THSD7A: variants seen among roughly 807,000 people sequenced by gnomAD.
THSD7A encodes the protein thrombospondin type 1 domain containing 7A.
Under a neutral mutation model 231.3 loss-of-function variants are expected in THSD7A, and 96 were observed. The observed-to-expected ratio is 0.41, with a 90% CI of 0.35 to 0.49. The LOEUF is 0.49. Among genes scored for constraint, THSD7A ranks in the 20% least tolerant of loss-of-function variants. The pLI, the probability that THSD7A is intolerant of heterozygous loss-of-function variation, is 0.05. For missense variants in THSD7A, 2,290 were observed against 2,070.2 expected, an observed-to-expected ratio of 1.11 and a Z score of -2.06; for synonymous variants, 940 against 743.3, an observed-to-expected ratio of 1.26 and a Z score of -4.30.
At chr7:11,392,257 G>C (rs1400842330) in intron 23 of THSD7A, among the ~76,000 whole-genome samples, 2 of 151,536 alleles carry the variant, frequency 1.3e-5, no homozygotes, top group Non-Finnish European at 2.9e-5. Flanking sequence ...AGCTGAAGCA[G>C]GGTGGGGTGT....
chr7:11,797,839 T>C (rs769202666), intron 1 of THSD7A, among the ~76,000 whole-genome samples: 1 of 152,200 alleles, frequency 6.6e-6, no homozygotes, highest in Non-Finnish European at 1.5e-5. Flanking sequence ...ATTAATGGCC[T>C]TGGAAAATAA....
chr7:11,702,695 T>A (rs1214856173), intron 1 of THSD7A, among the ~76,000 whole-genome samples: 1 of 151,216 alleles, frequency 6.6e-6, no homozygotes, highest in African/African-American at 2.4e-5. Flanking sequence ...ATTTTAGAAT[T>A]CTACCTGAGC....
chr7:11,546,238 C>G (rs1215387049), intron 4 of THSD7A, among the ~76,000 whole-genome samples: 1 of 109,488 alleles, frequency 9.1e-6, no homozygotes, highest in African/African-American at 4.5e-5. Flanking sequence ...ACACGTGGAC[C>G]CTGCCACACT....
At chr7:11,499,196 C>G (rs960679257) in intron 6 of THSD7A, among the ~76,000 whole-genome samples, 3 of 152,198 alleles carry the variant, frequency 2.0e-5, no homozygotes, top group African/African-American at 7.2e-5. Flanking sequence ...GATCCACACA[C>G]CCTTCATGGC....
At chr7:11,780,884 G>C (rs1282599670) in intron 1 of THSD7A, among the ~76,000 whole-genome samples, 2 of 150,186 alleles carry the variant, frequency 1.3e-5, no homozygotes, top group African/African-American at 2.4e-5. Flanking sequence ...CCAGCTACTC[G>C]GGAGGCTGAG....
In THSD7A at chr7:11,411,057, G is replaced by C; in HGVS notation, c.3798+150C>G. On this transcript the variant is annotated intron_variant, in intron 19 of 27. Coordinates refer to ENST00000423059, the MANE Select transcript of THSD7A (RefSeq NM_015204.3). This position sits in a 1 kb window ranked among gnomAD's most constrained non-coding sequence, Gnocchi z 4.1. ...AGGAATCAGTAGTGTTGGACATTGT[G>C]TCTTTTCAAGAACATACTTAGCCTG... 2 of 586,088 alleles carry C rather than the reference G, an allele frequency of 3.4e-6. No homozygotes were observed. The highest frequency in any genetic ancestry group is 5.7e-5 in the East Asian group (2 of 34,894). 36.3% of individuals were successfully genotyped at this position (586,088 alleles called of 1,614,324 possible). A position where few individuals can be genotyped will look rare whatever the true frequency, so the allele number is the denominator to read the frequency against.
intron 16 of THSD7A, among the ~76,000 whole-genome samples, chr7:11,423,282 G>GT (rs1381470741): frequency 1.3e-5 from 2 of 151,856 alleles, no homozygotes; most frequent in Non-Finnish European, 2.9e-5. Context: ...TCCTACTGAA[G>GT]TAGATTAAAA....
chr7:11,796,437 T>C (rs1784128427), intron 1 of THSD7A, among the ~76,000 whole-genome samples: 1 of 151,952 alleles, frequency 6.6e-6, no homozygotes, highest in Non-Finnish European at 1.5e-5. Flanking sequence ...TCCATTGCTA[T>C]TGTAATTGCA....
At chr7:11,747,594 T>C (rs1782352472) in intron 1 of THSD7A, among the ~76,000 whole-genome samples, 1 of 151,958 alleles carries the variant, frequency 6.6e-6, no homozygotes, top group African/African-American at 2.4e-5. Flanking sequence ...GTTGGATGCT[T>C]ATAAATGGAT....
Position 11,446,184 on chromosome 7 carries a change from C to G in THSD7A, c.2941G>C (p.Val981Leu). The change falls in exon 13 of 28, where the codon GTG (valine) becomes CTG (leucine). Residue 981 changes from valine (V) to leucine (L), a missense_variant. Coordinates refer to ENST00000423059, the MANE Select transcript of THSD7A (RefSeq NM_015204.3). This position sits in a 1 kb window ranked among gnomAD's most constrained non-coding sequence, Gnocchi z 4.0. ...CCTTGTACTTTCATTCCCAGCAACA[C>G]TTCCACTTTTCCCTCTGGTAAAATA... The part of the protein sequence containing the change: ...DCILPEGKVE[V>L]LLGMKVQGDI... 1.2e-6 allele frequency: 2 copies of G among 1,613,586 alleles called. No individual in the cohort carries two copies. The highest frequency in any genetic ancestry group is 1.7e-6 in the Non-Finnish European group (2 of 1,179,658).
chr7:11,448,420 G>C (rs1417005461), intron 11 of THSD7A, among the ~76,000 whole-genome samples: 1 of 152,070 alleles, frequency 6.6e-6, no homozygotes, highest in Non-Finnish European at 1.5e-5. Flanking sequence ...TGGTCCTAAA[G>C]TTGGCTTCAC....
At chr7:11,509,797 G>T (rs1471100821) in intron 6 of THSD7A, among the ~76,000 whole-genome samples, 5 of 55,446 alleles carry the variant, frequency 9.0e-5, no homozygotes, top group Admixed American at 8.8e-4. Flanking sequence ...ACTCCAGCCT[G>T]GGCGACAGAG....
At chr7:11,826,085 A>G (rs903059635) in intron 1 of THSD7A, among the ~76,000 whole-genome samples, 5 of 152,216 alleles carry the variant, frequency 3.3e-5, no homozygotes, top group African/African-American at 1.2e-4. Flanking sequence ...GTAAAAAAAG[A>G]TAACATTGTT....
At chr7:11,399,718 G>A (rs567873273) in intron 23 of THSD7A, among the ~76,000 whole-genome samples, 3 of 152,194 alleles carry the variant, frequency 2.0e-5, no homozygotes, top group African/African-American at 7.2e-5. Flanking sequence ...TGGTGGGACT[G>A]TAAACTAGTT....
intron 4 of THSD7A, among the ~76,000 whole-genome samples, chr7:11,570,948 AT>A (rs1435992369): frequency 6.6e-6 from 1 of 152,100 alleles, no homozygotes; most frequent in East Asian, 1.9e-4. Context: ...TTGTATTCTT[AT>A]TTTGGGGTTA....
intron 1 of THSD7A, chr7:11,820,809 C>T (rs1784852396): frequency 9.8e-7 from 1 of 1,021,528 alleles, no homozygotes; most frequent in Non-Finnish European, 1.5e-6. Context: ...GTGCCTCTCG[C>T]TCTCCGGTGC....
intron 1 of THSD7A, among the ~76,000 whole-genome samples, chr7:11,731,902 A>C (rs1781749282): frequency 6.6e-6 from 1 of 151,674 alleles, no homozygotes; most frequent in Admixed American, 6.6e-5. Context: ...AATTGTTATC[A>C]AAATTACAGA....
rs1232429921 is a variant in THSD7A at position 11,512,829 on chromosome 7, A to G, written c.1822+28590T>C. On this transcript the variant is annotated intron_variant, in intron 6 of 27. Coordinates refer to ENST00000423059, the MANE Select transcript of THSD7A (RefSeq NM_015204.3). ...GCATTAGGAGATATACCTAATGTAA[A>G]TGACGAGTTAAGGGGTGCAACATAC... Among the ~76,000 whole-genome samples, 3 of 150,560 alleles carry G rather than the reference A, an allele frequency of 2.0e-5. No homozygotes were observed. In the East Asian group the frequency reaches 5.9e-4, roughly 30 times the overall value.
At chr7:11,397,809 A>T (rs1783246871) in intron 23 of THSD7A, among the ~76,000 whole-genome samples, 1 of 152,206 alleles carries the variant, frequency 6.6e-6, no homozygotes, top group African/African-American at 2.4e-5. Context: ...AAGCTCATCA[A>T]CACTGGTCAT....
Sources: gnomAD v4.1 joint callset for allele counts (sites outside exome capture counted in the v4.1 genomes callset) on GRCh38, gnomAD v4.1.1 for gene constraint, Gnocchi (gnomAD v3.1) non-coding constraint, MANE v1.5 for transcripts, NCBI Gene and HGNC (gene_info 2026-07-23, HGNC 2026-07-21) for gene names.